FAM174A: variants seen among roughly 807,000 people sequenced by gnomAD.
FAM174A encodes family with sequence similarity 174 member A, also known as membrane protein FAM174A.
A neutral mutation model predicts 14.3 loss-of-function variants in FAM174A; 14 were observed. The observed-to-expected ratio is 0.98, with a 90% confidence interval of 0.65 to 1.53. The LOEUF is 1.53. Among genes scored for constraint, FAM174A ranks in the 40% most tolerant of loss-of-function variants. The pLI is 0.00. For missense variants in FAM174A, 241 were observed against 249.6 expected (o/e 0.97, Z 0.23); for synonymous variants, 108 against 111.4 (o/e 0.97, Z 0.19).
chr5:100,546,632 G>T (rs1746169137), intron 1 of FAM174A, among the ~76,000 whole-genome samples: 1 of 152,066 alleles, frequency 6.6e-6, no homozygotes, highest in African/African-American at 2.4e-5. Flanking sequence ...TTTCTATTGA[G>T]CCTGGAAATA....
In FAM174A at chr5:100,572,431, G is replaced by A. The variant is rs1312010363; in HGVS notation, c.569+10243G>A. Among the ~76,000 whole-genome samples the A allele has an allele frequency of 2.1e-5, 3 of 145,224 alleles. No individual in the cohort carries two copies. In the East Asian group the frequency reaches 6.1e-4, roughly 30 times the overall value. ...CCCACCCCACAACAGTCCCCAGAGT[G>A]TGATATTCCCCTTCCTGTGTCCATG... On this transcript the variant is annotated intron_variant, in intron 2 of 2. Coordinates refer to ENST00000312637, the MANE Select transcript of FAM174A (RefSeq NM_198507.3).
intron 1 of FAM174A, among the ~76,000 whole-genome samples, chr5:100,557,250 G>T (rs374880291): frequency 1.3e-5 from 2 of 152,018 alleles, no homozygotes; most frequent in Non-Finnish European, 2.9e-5. Flanking sequence ...ATTGATTTGC[G>T]TATGTTGAAC....
chr5:100,582,515 C>T (rs10042987), intron 2 of FAM174A, among the ~76,000 whole-genome samples: 21,464 of 151,050 alleles, frequency 0.14, 3,175 homozygotes, highest in African/African-American at 0.38. Flanking sequence ...CTTTTCATTA[C>T]GATGGCTCTT....
At chr5:100,584,720 G>A (rs1355187633) in intron 2 of FAM174A, among the ~76,000 whole-genome samples, 1 of 152,100 alleles carries the variant, frequency 6.6e-6, no homozygotes, top group South Asian at 2.1e-4. Flanking sequence ...CAAAAAAAAT[G>A]CAAAGATGCT....
At chr5:100,577,183 G>A (rs1414123926) in intron 2 of FAM174A, among the ~76,000 whole-genome samples, 1 of 151,942 alleles carries the variant, frequency 6.6e-6, no homozygotes, top group Admixed American at 6.6e-5. Context: ...TTATAAATAT[G>A]TAAAACTATT....
chr5:100,573,716 A>C (rs1329318574), intron 2 of FAM174A, among the ~76,000 whole-genome samples: 1 of 150,118 alleles, frequency 6.7e-6, no homozygotes, highest in Non-Finnish European at 1.5e-5. Context: ...ACAGAACTGG[A>C]AAAAACTACT....
chr5:100,583,742 A>G (rs922616782), intron 2 of FAM174A, among the ~76,000 whole-genome samples: 1 of 152,126 alleles, frequency 6.6e-6, no homozygotes, highest in Admixed American at 6.5e-5. Context: ...AGTTTCCTCC[A>G]GCAGAACTTA....
At chr5:100,547,777 G>T (rs552430021) in intron 1 of FAM174A, among the ~76,000 whole-genome samples, 1 of 152,116 alleles carries the variant, frequency 6.6e-6, no homozygotes, top group African/African-American at 2.4e-5. Flanking sequence ...CATTTAGGAG[G>T]TTTTTAGCTA....
chr5:100,559,755 G>A (rs1270754038), intron 1 of FAM174A, among the ~76,000 whole-genome samples: 1 of 152,032 alleles, frequency 6.6e-6, no homozygotes, highest in African/African-American at 2.4e-5. Context: ...ACTGAGGCTT[G>A]TGCATTCGTC....
chr5:100,543,995 T>G (rs1249650918), intron 1 of FAM174A, among the ~76,000 whole-genome samples: 1 of 152,222 alleles, frequency 6.6e-6, no homozygotes, highest in African/African-American at 2.4e-5. Flanking sequence ...TTCTACACTG[T>G]TTGCTTTTTA....
chr5:100,559,616 G>T (rs576538933), intron 1 of FAM174A, among the ~76,000 whole-genome samples: 2 of 151,958 alleles, frequency 1.3e-5, no homozygotes, highest in East Asian at 3.9e-4. Context: ...TTTTCACATA[G>T]TCCCATATTT....
intron 2 of FAM174A, among the ~76,000 whole-genome samples, chr5:100,578,737 T>C (rs1009922782): frequency 1.3e-5 from 2 of 152,222 alleles, no homozygotes; most frequent in African/African-American, 4.8e-5. Context: ...CAACACATGT[T>C]TGGTGATTAA....
intron 2 of FAM174A, among the ~76,000 whole-genome samples, chr5:100,571,070 G>A (rs1746768739): frequency 6.6e-6 from 1 of 151,384 alleles, no homozygotes; most frequent in Non-Finnish European, 1.5e-5. Context: ...ATATCGTTGG[G>A]TTCAATTCAC....
intron 2 of FAM174A, among the ~76,000 whole-genome samples, chr5:100,585,613 C>T (rs1472346604): frequency 2.0e-5 from 3 of 152,036 alleles, no homozygotes; most frequent in African/African-American, 7.2e-5. Flanking sequence ...GGGCTTTCAC[C>T]ATGTTGGCCA....
chr5:100,553,986 A>C (rs571048280), intron 1 of FAM174A, among the ~76,000 whole-genome samples: 2 of 152,310 alleles, frequency 1.3e-5, no homozygotes, highest in East Asian at 3.9e-4. Flanking sequence ...CTTGTGACTA[A>C]CAATGACAGG....
chr5:100,583,608 A>G (rs1009945340), intron 2 of FAM174A, among the ~76,000 whole-genome samples: 30 of 151,682 alleles, frequency 2.0e-4, no homozygotes, highest in Non-Finnish European at 4.0e-4. Flanking sequence ...AATTACTCCA[A>G]GATCCTCATC....
chr5:100,572,884 C>T (rs1746820246), intron 2 of FAM174A, among the ~76,000 whole-genome samples: 1 of 152,120 alleles, frequency 6.6e-6, no homozygotes. Context: ...TAAAAGTGTT[C>T]CTATTTCTCC....
intron 2 of FAM174A, among the ~76,000 whole-genome samples, chr5:100,573,528 G>A (rs1746838233): frequency 6.6e-6 from 1 of 151,846 alleles, no homozygotes; most frequent in African/African-American, 2.4e-5. Flanking sequence ...GGGATGTGAA[G>A]GACCTCTTCA....
chr5:100,542,078 T>C (rs1430177853), intron 1 of FAM174A, among the ~76,000 whole-genome samples: 2 of 152,314 alleles, frequency 1.3e-5, no homozygotes, highest in Middle Eastern at 3.4e-3. Context: ...ACGAGATGCA[T>C]TGAATTTTTG....
Sources: allele counts gnomAD v4.1 joint callset (sites outside exome capture counted in the v4.1 genomes callset), GRCh38; gene constraint gnomAD v4.1.1; transcripts MANE v1.5; gene names NCBI Gene and HGNC (gene_info 2026-07-23, HGNC 2026-07-21).